The following CSMD1 variants were observed in gnomAD, a reference collection of about 807,000 sequenced individuals.
The protein encoded by CSMD1 is CUB and sushi domain-containing protein 1.
CSMD1 carries 213 observed loss-of-function variants against 417.5 expected under a neutral mutation model. That is an observed-to-expected ratio of 0.51 (90% confidence interval 0.46 to 0.57). The LOEUF (loss-of-function observed/expected upper bound fraction) is 0.57, where lower values mean the gene tolerates loss of function less well. CSMD1 is among the 20% of genes least tolerant of loss of function. The pLI is 0.00. For missense variants in CSMD1, 6,923 were observed against 4,529.7 expected (o/e 1.53, Z -15.17); for synonymous variants, 2,862 against 1,736.8 (o/e 1.65, Z -16.11).
chr8:4,312,681 A>T (rs1333081068), intron 3 of CSMD1, among the ~76,000 whole-genome samples: 1 of 151,900 alleles, frequency 6.6e-6, no homozygotes, highest in African/African-American at 2.4e-5. Flanking sequence ...GTTTGAGACC[A>T]GCCTGGCCAA....
chr8:2,995,395 C>T (rs1025662361), intron 54 of CSMD1, among the ~76,000 whole-genome samples: 17 of 152,088 alleles, frequency 1.1e-4, no homozygotes, highest in Non-Finnish European at 2.2e-4. Flanking sequence ...GTGACCGCAC[C>T]GAATGCTGGA....
chr8:4,127,085 T>TG (rs1465560786), intron 3 of CSMD1, among the ~76,000 whole-genome samples: 6 of 151,874 alleles, frequency 4.0e-5, no homozygotes, highest in African/African-American at 1.2e-4. Context: ...TCCTGTGATT[T>TG]TTTTTAACAA....
At chr8:4,061,755 C>T (rs922948418) in intron 3 of CSMD1, among the ~76,000 whole-genome samples, 7 of 152,184 alleles carry the variant, frequency 4.6e-5, no homozygotes, top group Admixed American at 2.0e-4. Flanking sequence ...AGTCACCTCT[C>T]TGCATGTTCA....
intron 12 of CSMD1, among the ~76,000 whole-genome samples, chr8:3,436,365 T>C (rs987686046): frequency 8.5e-5 from 13 of 152,222 alleles, no homozygotes; most frequent in African/African-American, 3.1e-4. Flanking sequence ...ATTATTGTTA[T>C]TATTTTCACT....
intron 3 of CSMD1, among the ~76,000 whole-genome samples, chr8:4,418,906 A>C (rs1460422261): frequency 6.6e-6 from 1 of 152,184 alleles, no homozygotes; most frequent in East Asian, 1.9e-4. Context: ...CATTCTCAGC[A>C]TTATTCCACA....
intron 3 of CSMD1, among the ~76,000 whole-genome samples, chr8:4,152,715 A>G (rs1335964943): frequency 2.0e-5 from 3 of 152,068 alleles, no homozygotes; most frequent in Non-Finnish European, 4.4e-5. Flanking sequence ...AATCCTTTAC[A>G]TATACACACA....
At chr8:3,328,066 C>T (rs571422190) in intron 23 of CSMD1, among the ~76,000 whole-genome samples, 12 of 152,282 alleles carry the variant, frequency 7.9e-5, no homozygotes, top group South Asian at 2.1e-4. Context: ...TAAAGCCATC[C>T]GCTTTCTGAG....
chr8:4,900,013 A>T (rs1804763477), intron 1 of CSMD1, among the ~76,000 whole-genome samples: 1 of 151,918 alleles, frequency 6.6e-6, no homozygotes, highest in Non-Finnish European at 1.5e-5. Flanking sequence ...GCTTTAATCT[A>T]TTCTCTTCTC....
chr8:3,230,172 C>G lies in CSMD1; in HGVS notation c.4213G>C (p.Asp1405His), dbSNP rs1268431322. The change falls in exon 27 of 70, where the codon GAC becomes CAC. Residue 1405 changes from aspartate to histidine, a missense_variant. Physicochemically the swap from Asp to His is moderately conservative, Grantham distance 81. Coordinates refer to ENST00000635120, the MANE Select transcript of CSMD1 (RefSeq NM_033225.6). The stretch of plus-strand genomic sequence containing the variant: ...ACGGTGTCTCCAGCCTCTCTGCTGT[C>G]TCCATAGCGGGTGCCATTTTGGGGC... Reference protein sequence around the residue: ...GMPQNGTRYGDSREAGDTVTF... With the variant: ...GMPQNGTRYGHSREAGDTVTF... 2 of 1,613,006 alleles carry G rather than the reference C, an allele frequency of 1.2e-6. No homozygotes were observed. Among genetic ancestry groups the G allele is most frequent in the East Asian group, 2.2e-5 (1 of 44,828 alleles).
intron 6 of CSMD1, among the ~76,000 whole-genome samples, 183 bp from the exon 7 acceptor site, chr8:3,708,674 C>T (rs1363589204): frequency 2.0e-5 from 3 of 152,102 alleles, no homozygotes; most frequent in Non-Finnish European, 2.9e-5. Context: ...TATTGTGAGG[C>T]TATCAAGCAG....
In CSMD1 at chr8:4,427,807, A is replaced by C. The variant is rs73658884; in HGVS notation, c.303-7742T>G. On this transcript the variant is annotated intron_variant, in intron 2 of 69. Coordinates refer to ENST00000635120, the MANE Select transcript of CSMD1 (RefSeq NM_033225.6). Reference sequence around the variant, plus strand: ...TTTATCACAATGTATAACCCATACAAATATATGCATGTTTAACCTATTGAA... The same window carrying C: ...TTTATCACAATGTATAACCCATACACATATATGCATGTTTAACCTATTGAA... 2.2e-3 allele frequency among the ~76,000 whole-genome samples: 328 copies of C among 152,308 alleles called. 4 individuals carry two copies. The highest frequency in any genetic ancestry group is 7.7e-3 in the African/African-American group (320 of 41,574).
At chr8:4,035,588 T>G (rs963070401) in intron 3 of CSMD1, among the ~76,000 whole-genome samples, 1 of 152,204 alleles carries the variant, frequency 6.6e-6, no homozygotes, top group Admixed American at 6.5e-5. Context: ...GTTTGAGTCT[T>G]AATTTTTAAT....
At chr8:4,905,921 C>G (rs1237760588) in intron 1 of CSMD1, among the ~76,000 whole-genome samples, 1 of 151,842 alleles carries the variant, frequency 6.6e-6, no homozygotes, top group African/African-American at 2.4e-5. Context: ...GCCACTCTTT[C>G]CTTTCACCAG....
chr8:3,926,450 T>G (rs1809736743), intron 5 of CSMD1, among the ~76,000 whole-genome samples: 1 of 152,066 alleles, frequency 6.6e-6, no homozygotes, highest in Non-Finnish European at 1.5e-5. Context: ...TTATAAATAT[T>G]TGTTGAATGA....
chr8:3,621,895 C>T (rs539137710), intron 7 of CSMD1, among the ~76,000 whole-genome samples: 10 of 151,852 alleles, frequency 6.6e-5, no homozygotes, highest in African/African-American at 9.7e-5. Flanking sequence ...AGTAAGTTAT[C>T]GTGTCCAACC....
At chr8:4,030,276 G>T (rs1242459639) in intron 4 of CSMD1, among the ~76,000 whole-genome samples, 3 of 152,276 alleles carry the variant, frequency 2.0e-5, no homozygotes, top group South Asian at 2.1e-4. Flanking sequence ...CCCTAGCAAA[G>T]GTTCTCCATG....
In CSMD1 at chr8:4,465,483, T is replaced by C. The variant is rs76069950; in HGVS notation, c.303-45418A>G. 2.5e-4 allele frequency among the ~76,000 whole-genome samples: 38 copies of C among 152,304 alleles called. No individual in the cohort carries two copies. In the East Asian group the frequency reaches 7.0e-3, roughly 28 times the overall value. ...TATTTTAAAATACCAAGATGGTTCG[T>C]CGTCCTCCCAAGAGGTGACTTAACA... On this transcript the variant is annotated intron_variant, in intron 2 of 69. Transcript: ENST00000635120.
rs114092804 is a variant in CSMD1, at chr8:4,272,766, G to A, written c.415+147187C>T. ...TCTGTAATTCTTGAATGAACTCTCA[G>A]TAAAGGAGGTTAGTATGAGATGACC... On this transcript the variant is annotated intron_variant, in intron 3 of 69. Transcript: ENST00000635120. Among the ~76,000 whole-genome samples the A allele has an allele frequency of 2.2e-3, 342 of 152,206 alleles. 2 individuals carry two copies. The highest frequency in any genetic ancestry group is 7.5e-3 in the African/African-American group (312 of 41,536).
At chr8:3,648,265 C>G (rs1412026441) in intron 7 of CSMD1, among the ~76,000 whole-genome samples, 1 of 152,240 alleles carries the variant, frequency 6.6e-6, no homozygotes, top group Non-Finnish European at 1.5e-5. Flanking sequence ...TTATTTTCCT[C>G]TTTTCTCTAG....
Sources: allele counts gnomAD v4.1 joint callset (sites outside exome capture counted in the v4.1 genomes callset), GRCh38; gene constraint gnomAD v4.1.1; transcripts MANE v1.5; gene names NCBI Gene and HGNC (gene_info 2026-07-23, HGNC 2026-07-21).